Variants in PLCXD3 observed in about 807,000 individuals in gnomAD.
The protein encoded by PLCXD3 is phosphatidylinositol specific phospholipase C X domain containing 3.
In PLCXD3, 19 loss-of-function variants were observed where a neutral mutation model predicts 25.5. That is an observed-to-expected ratio of 0.75 (90% confidence interval 0.52 to 1.09). PLCXD3 has a LOEUF of 1.09. Ranked by LOEUF, PLCXD3 falls within the 50% of genes least tolerant of loss-of-function variation. The pLI is 0.00. For synonymous variants in PLCXD3, 174 were observed against 137.6 expected (o/e 1.26, Z -1.85); for missense variants, 411 against 388.1 (o/e 1.06, Z -0.50).
At chr5:41,372,683 TC>T (rs1745139150) in intron 2 of PLCXD3, among the ~76,000 whole-genome samples, 1 of 151,918 alleles carries the variant, frequency 6.6e-6, no homozygotes, top group Non-Finnish European at 1.5e-5. Context: ...AAAAATTAAA[TC>T]TTGAGCCCCG....
At chr5:41,446,364 A>G (rs1747503829) in intron 1 of PLCXD3, among the ~76,000 whole-genome samples, 1 of 151,860 alleles carries the variant, frequency 6.6e-6, no homozygotes, top group Non-Finnish European at 1.5e-5. Flanking sequence ...TACCAAAGCC[A>G]TTAACCAGTA....
chr5:41,489,474 T>C (rs1379314825), intron 1 of PLCXD3, among the ~76,000 whole-genome samples: 1 of 152,148 alleles, frequency 6.6e-6, no homozygotes, highest in African/African-American at 2.4e-5. Context: ...ATGAAAGGCA[T>C]TGGTAGCTTG....
At chr5:41,331,517 C>T (rs1209446938) in intron 2 of PLCXD3, among the ~76,000 whole-genome samples, 1 of 152,064 alleles carries the variant, frequency 6.6e-6, no homozygotes, top group African/African-American at 2.4e-5. Context: ...GCCATACTGC[C>T]CAAGGTAATT....
chr5:41,465,353 C>CTCTTTTTTTTTTTTTTTTTTTTTTTT (rs1747991676), intron 1 of PLCXD3, among the ~76,000 whole-genome samples: 1 of 13,228 alleles, frequency 7.6e-5, no homozygotes, highest in Non-Finnish European at 1.3e-4. Flanking sequence ...TAGTTCTTGT[C>CTCTTTTTTTTTTTTTTTTTTTTTTTT]TTTTTTTTTT....
At chr5:41,326,697 A>G (rs79307663) in intron 2 of PLCXD3, among the ~76,000 whole-genome samples, 18,618 of 152,164 alleles carry the variant, frequency 0.12, 1,228 homozygotes, top group Middle Eastern at 0.13. Flanking sequence ...AATCTGAGTG[A>G]AGATCCTTTT....
chr5:41,447,667 G>T (rs967800205), intron 1 of PLCXD3, among the ~76,000 whole-genome samples: 1 of 152,190 alleles, frequency 6.6e-6, no homozygotes, highest in African/African-American at 2.4e-5. Flanking sequence ...TTGGGACGGA[G>T]GCCTTAAAAT....
intron 2 of PLCXD3, among the ~76,000 whole-genome samples, chr5:41,369,357 T>C (rs1745026547): frequency 6.6e-6 from 1 of 152,176 alleles, no homozygotes; most frequent in South Asian, 2.1e-4. Flanking sequence ...TTTCCTACAA[T>C]CTATTCATTA....
At position 41,382,503 on chromosome 5, in the gene PLCXD3, A is replaced by G. The variant is rs751252972; in HGVS notation, c.135T>C (p.Asp45=). The change falls in exon 2 of 3, where the codon GAT becomes GAC. Residue 45 remains aspartate (D), a synonymous_variant. Coordinates refer to ENST00000377801, the MANE Select transcript of PLCXD3 (RefSeq NM_001005473.3). ...GSHDSFSFYI[D]EASPVGPEQP... is the part of the protein sequence containing the mutation. ...GCTCAGGACCTACTGGAGAGGCTTC[A>G]TCAATGTAGAAGCTGAAGGAATCAT... The G allele has an allele frequency of 2.5e-6, 4 of 1,604,618 alleles. No homozygotes were observed. The African/African-American group carries it at 4.0e-5, about 16-fold the overall frequency.
intron 1 of PLCXD3, chr5:41,456,574 G>A (rs1747758442): frequency 1.1e-6 from 1 of 944,402 alleles, no homozygotes; most frequent in Non-Finnish European, 1.3e-6. Flanking sequence ...GAAAGTAGAT[G>A]TTTGTGTCCC....
chr5:41,459,025 T>G (rs563318942), intron 1 of PLCXD3, among the ~76,000 whole-genome samples: 3 of 151,968 alleles, frequency 2.0e-5, no homozygotes, highest in African/African-American at 4.8e-5. Flanking sequence ...GAATATTGCT[T>G]GATTTTCTTT....
intron 2 of PLCXD3, among the ~76,000 whole-genome samples, chr5:41,315,634 C>T (rs1251474847): frequency 6.6e-6 from 1 of 152,102 alleles, no homozygotes; most frequent in Non-Finnish European, 1.5e-5. Flanking sequence ...AACTTTATAT[C>T]GCGGAAAATG....
At chr5:41,356,595 C>A (rs951970129) in intron 2 of PLCXD3, among the ~76,000 whole-genome samples, 1 of 152,054 alleles carries the variant, frequency 6.6e-6, no homozygotes, top group Non-Finnish European at 1.5e-5. Flanking sequence ...ATATGTGGAT[C>A]CCTGTTTTTA....
intron 1 of PLCXD3, among the ~76,000 whole-genome samples, chr5:41,451,557 T>C (rs188059811): frequency 6.6e-6 from 1 of 152,106 alleles, no homozygotes; most frequent in Admixed American, 6.6e-5. Context: ...GGAAAAGCAT[T>C]GACTTTTCAA....
intron 1 of PLCXD3, among the ~76,000 whole-genome samples, chr5:41,490,339 G>A (rs2150525321): frequency 6.6e-6 from 1 of 152,300 alleles, no homozygotes; most frequent in South Asian, 2.1e-4. Flanking sequence ...CAGTTTGCCA[G>A]TATTTTATTG....
chr5:41,364,368 A>G (rs1275556443), intron 2 of PLCXD3, among the ~76,000 whole-genome samples: 1 of 152,180 alleles, frequency 6.6e-6, no homozygotes, highest in East Asian at 1.9e-4. Context: ...CATAAGCAAA[A>G]GTGAGTGCAT....
chr5:41,474,542 G>T (rs914335686), intron 1 of PLCXD3, among the ~76,000 whole-genome samples: 2 of 152,092 alleles, frequency 1.3e-5, no homozygotes, highest in African/African-American at 4.8e-5. Flanking sequence ...CCTTCAATTT[G>T]TACGGTACAG....
At chr5:41,351,548 C>T (rs1433823562) in intron 2 of PLCXD3, among the ~76,000 whole-genome samples, 2 of 152,114 alleles carry the variant, frequency 1.3e-5, no homozygotes, top group Admixed American at 6.6e-5. Context: ...AGAAAAAAAC[C>T]GCTGAACTGA....
intron 2 of PLCXD3, among the ~76,000 whole-genome samples, chr5:41,379,782 C>T (rs1449264740): frequency 6.6e-6 from 1 of 151,962 alleles, no homozygotes; most frequent in Admixed American, 6.6e-5. Context: ...AGTTTCATGT[C>T]TCAGAATGGG....
At chr5:41,484,268 CA>C (rs201063071) in intron 1 of PLCXD3, among the ~76,000 whole-genome samples, 2,123 of 138,994 alleles carry the variant, frequency 0.015, 15 homozygotes, top group Non-Finnish European at 0.019. Context: ...CACACACACA[CA>C]CACTAACTGT....
Sources: allele counts gnomAD v4.1 joint callset (sites outside exome capture counted in the v4.1 genomes callset), GRCh38; gene constraint gnomAD v4.1.1; transcripts MANE v1.5; gene names NCBI Gene and HGNC (gene_info 2026-07-23, HGNC 2026-07-21).